Variants in TTN observed in about 807,000 individuals in gnomAD.
TTN encodes the protein connectin.
TTN carries 1,525 observed loss-of-function variants against 3,223.0 expected under a neutral mutation model. That is an observed-to-expected ratio of 0.47 (90% CI 0.45 to 0.49). TTN has a LOEUF of 0.49. Among genes scored for constraint, TTN ranks in the 20% least tolerant of loss-of-function variants. TTN has a pLI of 0.00. For synonymous variants in TTN, 14,094 were observed against 15,161.0 expected (o/e 0.93, Z 5.17); for missense variants, 40,786 against 43,424.0 (o/e 0.94, Z 5.40).
chr2:178,756,226 T>C lies in TTN; in HGVS notation c.11250A>G (p.Glu3750=), dbSNP rs2154334742. 2 of 1,602,754 alleles carry C rather than the reference T, an allele frequency of 1.2e-6. No individual in the cohort carries two copies. Among genetic ancestry groups the C allele is most frequent in the Non-Finnish European group, 1.7e-6 (2 of 1,171,910 alleles). ...ERTTSAVLSV[E]GAPESILHER... ...CATAGCTAAAAATCAATTAACCACC[T>C]TCTACACTTAGTACTGCTGACGTTG... is the stretch of plus-strand genomic sequence containing the variant. The change falls in exon 46 of 363, where the codon GAA becomes GAG. Residue 3750 remains glutamate (E), a synonymous_variant. Transcript: ENST00000589042.
chr2:178,767,668 T>C, intron 40 of TTN, 91 bp downstream of exon 40: 1 of 1,552,750 alleles, frequency 6.4e-7, no homozygotes, highest in Admixed American at 1.7e-5. Context: ...AGGATGGTGG[T>C]TAGAAAATGT....
Position 178,562,764 on chromosome 2 carries a change from G to A in TTN, c.83368C>T (p.Pro27790Ser), listed in dbSNP as rs1427845923. ...KDSVTLSWEP[P>S]LIDGGAKITN... ...ATCTTAGCTCCACCATCAATAAGTG[G>A]TGGTTCCCAGGACAACGTCACTGAG... The change falls in exon 326 of 363, where the codon CCA becomes TCA. Residue 27790 changes from proline (P) to serine (S), a missense_variant. Pro to Ser is a moderately conservative substitution (Grantham distance 74). Transcript: ENST00000589042. The A allele has an allele frequency of 4.3e-6, 7 of 1,613,186 alleles. No individual in the cohort carries two copies. The highest frequency in any genetic ancestry group is 1.7e-5 in the Admixed American group (1 of 59,950).
At chr2:178,772,458 T>G (rs888825815) in intron 33 of TTN, among the ~76,000 whole-genome samples, 1 of 152,184 alleles carries the variant, frequency 6.6e-6, no homozygotes, top group African/African-American at 2.4e-5. Context: ...TTCTGGCAAT[T>G]GATTTACATT....
intron 81 of TTN, 59 bp from the exon 82 acceptor site, chr2:178,719,891 A>G (rs968192697): frequency 1.3e-6 from 2 of 1,556,564 alleles, no homozygotes; most frequent in South Asian, 1.2e-5. Context: ...CAAGAGTGCA[A>G]TCACTGAATT....
rs751284978 is a variant in TTN at position 178,720,615 on chromosome 2, C to T, written c.23147G>A (p.Gly7716Asp). ...QKPSPVGALK[G>D]SDVILQCEIS... ...TTCACATTGGAGAATCACATCAGAA[C>T]CTTTAAGAGCTCCTACTGGAGAAGG... is the stretch of plus-strand genomic sequence containing the variant. The change falls in exon 80 of 363, where the codon GGT (glycine) becomes GAT (aspartate). Residue 7716 changes from glycine to aspartate, a missense_variant. Coordinates refer to ENST00000589042, the MANE Select transcript of TTN (RefSeq NM_001267550.2). The T allele has an allele frequency of 2.2e-5, 35 of 1,610,630 alleles. No homozygotes were observed. In the African/African-American group the frequency reaches 3.3e-4, roughly 15 times the overall value.
Position 178,652,713 on chromosome 2 carries a change from C to G in TTN, c.38983G>C (p.Val12995Leu), listed in dbSNP as rs757298773. ...GCCGAGGGCACTTTCTTTTCAGGAA[C>G]AACCTCTTTGGGAGCCTCTGGTACT... ...VKVPEAPKEV[V>L]PEKKVPSAPP... Residue 12995 changes from valine to leucine, a missense_variant, in exon 201 of 363, where the codon GTT becomes CTT. Physicochemically the swap from Val to Leu is conservative, Grantham distance 32. Coordinates refer to ENST00000589042, the MANE Select transcript of TTN (RefSeq NM_001267550.2). 7 of 1,613,272 alleles carry G rather than the reference C, an allele frequency of 4.3e-6. No homozygotes were observed. Among genetic ancestry groups the G allele is most frequent in the Non-Finnish European group, 5.9e-6 (7 of 1,179,506 alleles).
chr2:178,636,560 C>T lies in TTN; in HGVS notation c.41167G>A (p.Gly13723Ser), dbSNP rs188301588. 1.9e-5 allele frequency: 30 copies of T among 1,613,452 alleles called. No homozygotes were observed. The highest frequency in any genetic ancestry group is 6.7e-5 in the East Asian group (3 of 44,766). ...STAITTWMKD[G>S]SNIRESPKHR... ...TTGGGACTCTCACGGATATTGCTAC[C>T]GTCTTTCATCCAGGTTGTAATTGCA... Residue 13723 changes from glycine to serine, a missense_variant, in exon 225 of 363, where the codon GGT becomes AGT. By Grantham distance (56) the Gly-to-Ser change is moderately conservative (BLOSUM62 0). Coordinates refer to ENST00000589042, the MANE Select transcript of TTN (RefSeq NM_001267550.2). The surrounding 1 kb of genome is among the most constrained non-coding windows in gnomAD (Gnocchi z 4.3).
In TTN at chr2:178,547,488, A is replaced by C. The variant is rs764500703; in HGVS notation, c.94138T>G (p.Ser31380Ala). Residue 31380 changes from serine (S) to alanine (A), a missense_variant, in exon 339 of 363, where the codon TCT becomes GCT. By Grantham distance (99) the Ser-to-Ala change is moderately conservative. Transcript: ENST00000589042. ...VTHLTKYMEYSFRVSSENRFG... is the reference protein window; with the variant it reads ...VTHLTKYMEYAFRVSSENRFG... ...CTGTTCTCTGAACTGACACGGAAAG[A>C]ATATTCCATGTATTTTGTGAGATGA... 3 of 1,613,138 alleles carry C rather than the reference A, an allele frequency of 1.9e-6. No homozygotes were observed. The Admixed American group carries it at 5.0e-5, about 27-fold the overall frequency.
At chr2:178,771,122 A>C in intron 34 of TTN, 89 bp downstream of exon 34, 1 of 1,579,242 alleles carries the variant, frequency 6.3e-7, no homozygotes, top group Non-Finnish European at 8.7e-7. Flanking sequence ...AATTTATGGT[A>C]TCCAAAATGG....
intron 211 of TTN, 56 bp from the exon 212 acceptor site, chr2:178,649,687 A>G (rs1421561906): frequency 3.9e-6 from 6 of 1,537,778 alleles, no homozygotes; most frequent in Non-Finnish European, 5.3e-6. Flanking sequence ...TAAGATATAC[A>G]TACAAGTTTA....
At chr2:178,724,794 ATTC>A (rs948829478) in intron 71 of TTN, 10 of 325,102 alleles carry the variant, frequency 3.1e-5, no homozygotes, top group African/African-American at 1.9e-4. Context: ...TGTAGCAATT[ATTC>A]TTAAGAAATA....
Position 178,589,296 on chromosome 2 carries a change from G to A in TTN, c.62429C>T (p.Thr20810Ile). The change falls in exon 304 of 363, where the codon ACA (threonine) becomes ATA (isoleucine). Residue 20810 changes from threonine (T) to isoleucine (I), a missense_variant. By Grantham distance (89) the Thr-to-Ile change is moderately conservative (BLOSUM62 -1). Coordinates refer to ENST00000589042, the MANE Select transcript of TTN (RefSeq NM_001267550.2). ...GACCCTTGGTGATCTTGTTAAGTCT[G>A]TAGCGTCTTTGTCCTTGGTCCATGC... ...EVAWTKDKDA[T>I]DLTRSPRVKI... 1 of 1,613,306 alleles carries A rather than the reference G, an allele frequency of 6.2e-7. No homozygotes were observed. The highest frequency in any genetic ancestry group is 8.5e-7 in the Non-Finnish European group (1 of 1,179,504).
At chr2:178,582,660 C>A in intron 313 of TTN, 68 bp from the exon 314 acceptor site, 2 of 1,417,650 alleles carry the variant, frequency 1.4e-6, no homozygotes, top group Non-Finnish European at 1.9e-6. Context: ...GGTCTGGAGA[C>A]CTGGGCTGCA....
In TTN at chr2:178,756,221, C is replaced by A; in HGVS notation, c.11254+1G>T. On this transcript the variant is annotated splice_donor_variant, in intron 46 of 362. Coordinates refer to ENST00000589042, the MANE Select transcript of TTN (RefSeq NM_001267550.2). LOFTEE classifies it high-confidence loss of function. ...CAAGTCATAGCTAAAAATCAATTAA[C>A]CACCTTCTACACTTAGTACTGCTGA... The A allele has an allele frequency of 6.3e-7, 1 of 1,589,364 alleles. No individual in the cohort carries two copies. Among genetic ancestry groups the A allele is most frequent in the Non-Finnish European group, 8.6e-7 (1 of 1,163,306 alleles).
At chr2:178,803,110 A>C (rs931823365) in intron 2 of TTN, among the ~76,000 whole-genome samples, 1 of 152,204 alleles carries the variant, frequency 6.6e-6, no homozygotes, top group Non-Finnish European at 1.5e-5. Flanking sequence ...TTTATTTCAC[A>C]CTTGGCATAA....
At position 178,549,451 on chromosome 2, in the gene TTN, A is replaced by G. The variant is rs1698447564; in HGVS notation, c.92175T>C (p.Ile30725=). ...IQYTVPDAPG[I]PEPSNITGNS... ...TGCCTGTTATGTTGCTAGGTTCTGG[A>G]ATGCCAGGGGCATCAGGAACAGCTG... Residue 30725 remains isoleucine, a synonymous_variant, in exon 339 of 363, where the codon ATT becomes ATC. Coordinates refer to ENST00000589042, the MANE Select transcript of TTN (RefSeq NM_001267550.2). 6.2e-7 allele frequency: 1 copy of G among 1,607,062 alleles called. No homozygotes were observed. Among genetic ancestry groups the G allele is most frequent in the African/African-American group, 1.3e-5 (1 of 74,624 alleles).
In TTN at chr2:178,780,063, T is replaced by C. The variant is rs757867206; in HGVS notation, c.3666A>G (p.Gln1222=). The C allele has an allele frequency of 1.9e-5, 30 of 1,613,686 alleles. No homozygotes were observed. The Admixed American group carries it at 4.8e-4, about 26-fold the overall frequency. The change falls in exon 22 of 363, where the codon CAA becomes CAG. Residue 1222 remains glutamine, a synonymous_variant. Coordinates refer to ENST00000589042, the MANE Select transcript of TTN (RefSeq NM_001267550.2). The part of the protein sequence containing the change: ...SEYEKEYEKE[Q]ALIRKKMAKD... ...TGGCCATTTTCTTCCTAATTAAGGC[T>C]TGTTCTTTTTCATACTCTTTTTCAT...
intron 335 of TTN, 59 bp downstream of exon 335, chr2:178,551,571 T>C: frequency 3.7e-6 from 5 of 1,357,938 alleles, no homozygotes; most frequent in Middle Eastern, 1.9e-4. Flanking sequence ...TTCCTTGATA[T>C]ATTTGTTTCT....
At chr2:178,640,485 T>C in intron 221 of TTN, 56 bp downstream of exon 221, 1 of 1,447,614 alleles carries the variant, frequency 6.9e-7, no homozygotes, top group Non-Finnish European at 9.6e-7. Flanking sequence ...AATGATATTT[T>C]AAATGATACA....
Sources: allele counts gnomAD v4.1 joint callset (sites outside exome capture counted in the v4.1 genomes callset), GRCh38; gene constraint gnomAD v4.1.1; non-coding constraint Gnocchi (gnomAD v3.1); transcripts MANE v1.5; gene names NCBI Gene and HGNC (gene_info 2026-07-23, HGNC 2026-07-21).